The following GALNTL6 variants were observed in gnomAD, a reference collection of about 807,000 sequenced individuals.
The protein encoded by GALNTL6 is polypeptide N-acetylgalactosaminyltransferase-like 6.
Under a neutral mutation model 73.7 loss-of-function variants are expected in GALNTL6, and 46 were observed. The observed-to-expected ratio is 0.62, with a 90% confidence interval of 0.49 to 0.80. GALNTL6 has a LOEUF of 0.80. Ranked by LOEUF, GALNTL6 falls within the 30% of genes least tolerant of loss-of-function variation. The probability of loss-of-function intolerance (pLI) is 0.00; values close to 1 mark genes in which losing one functional copy is unlikely to be tolerated. For missense variants in GALNTL6, 604 were observed against 755.0 expected (o/e 0.80, Z 2.34); for synonymous variants, 259 against 263.7 (o/e 0.98, Z 0.17).
chr4:172,891,190 T>G (rs1371901818), intron 8 of GALNTL6, among the ~76,000 whole-genome samples: 2 of 151,874 alleles, frequency 1.3e-5, no homozygotes, highest in African/African-American at 2.4e-5. Context: ...ATATGCGAGG[T>G]TTTGATTCTG....
intron 2 of GALNTL6, among the ~76,000 whole-genome samples, chr4:171,867,231 T>C (rs1281796441): frequency 6.6e-6 from 1 of 152,166 alleles, no homozygotes; most frequent in Non-Finnish European, 1.5e-5. Context: ...ATGTCAAATG[T>C]TGGTTCTCCA....
At chr4:172,416,077 G>A (rs2111352242) in intron 5 of GALNTL6, among the ~76,000 whole-genome samples, 1 of 152,226 alleles carries the variant, frequency 6.6e-6, no homozygotes, top group East Asian at 1.9e-4. Flanking sequence ...AGATCAATTT[G>A]TATGAAGGTC....
At chr4:171,952,031 G>A (rs887836845) in intron 2 of GALNTL6, among the ~76,000 whole-genome samples, 4 of 151,892 alleles carry the variant, frequency 2.6e-5, no homozygotes, top group East Asian at 3.8e-4. Context: ...AATACAAAGT[G>A]TAATAGAGTA....
intron 5 of GALNTL6, among the ~76,000 whole-genome samples, chr4:172,698,998 GA>G (rs1311092208): frequency 2.0e-5 from 3 of 152,026 alleles, no homozygotes; most frequent in African/African-American, 7.2e-5. Flanking sequence ...CATAGTTCGG[GA>G]ATCTGGGAAA....
At chr4:172,068,418 C>G (rs571926883) in intron 2 of GALNTL6, among the ~76,000 whole-genome samples, 1 of 110,304 alleles carries the variant, frequency 9.1e-6, no homozygotes, top group Admixed American at 9.4e-5. Flanking sequence ...CGCATGTTCT[C>G]TTTCTTAAGT....
chr4:172,399,930 A>T (rs908393325), intron 5 of GALNTL6, among the ~76,000 whole-genome samples: 11 of 152,096 alleles, frequency 7.2e-5, no homozygotes, highest in Non-Finnish European at 1.5e-4. Context: ...TAGGTACTTA[A>T]AAAGTTTGCT....
chr4:172,644,359 A>G (rs985230291), intron 5 of GALNTL6, among the ~76,000 whole-genome samples: 1 of 151,952 alleles, frequency 6.6e-6, no homozygotes, highest in Non-Finnish European at 1.5e-5. Flanking sequence ...CTAGAACAAG[A>G]TATAGAACAT....
At chr4:172,433,057 C>T (rs10002551) in intron 5 of GALNTL6, among the ~76,000 whole-genome samples, 124,644 of 152,094 alleles carry the variant, frequency 0.82, 51,620 homozygotes, top group Non-Finnish European at 0.88. Flanking sequence ...TTGTAGTTTG[C>T]GTATACAAAT....
chr4:172,276,248 G>C (rs934446664), intron 3 of GALNTL6, among the ~76,000 whole-genome samples: 1 of 152,120 alleles, frequency 6.6e-6, no homozygotes, highest in Non-Finnish European at 1.5e-5. Flanking sequence ...TTACATGAAT[G>C]TGGACATGTT....
At chr4:172,540,691 T>A (rs1454650791) in intron 5 of GALNTL6, among the ~76,000 whole-genome samples, 12 of 152,226 alleles carry the variant, frequency 7.9e-5, no homozygotes, top group Admixed American at 7.9e-4. Context: ...CATCTGGAAC[T>A]GGACACTTAC....
At chr4:172,789,815 T>TA (rs1274445297) in intron 5 of GALNTL6, among the ~76,000 whole-genome samples, 3 of 152,014 alleles carry the variant, frequency 2.0e-5, no homozygotes, top group African/African-American at 7.2e-5. Flanking sequence ...TTGGGGCAGG[T>TA]AAAAAGAGGA....
intron 2 of GALNTL6, among the ~76,000 whole-genome samples, chr4:171,864,206 G>A (rs943058224): frequency 1.3e-5 from 2 of 152,064 alleles, no homozygotes; most frequent in African/African-American, 4.8e-5. Flanking sequence ...TATCTTTAAA[G>A]GAAATAATTA....
At chr4:172,216,486 T>C (rs1351655126) in intron 2 of GALNTL6, among the ~76,000 whole-genome samples, 1 of 152,196 alleles carries the variant, frequency 6.6e-6, no homozygotes, top group Admixed American at 6.5e-5. Flanking sequence ...TTTCGAGATT[T>C]TCTCCTTGTC....
intron 5 of GALNTL6, chr4:172,668,837 G>C (rs894060468): frequency 3.9e-5 from 6 of 152,098 alleles, no homozygotes; most frequent in African/African-American, 1.4e-4. Flanking sequence ...GGGGAGTGCA[G>C]CAGCTGTGTT....
intron 7 of GALNTL6, among the ~76,000 whole-genome samples, chr4:172,823,351 A>G (rs1579528052): frequency 1.3e-5 from 2 of 152,210 alleles, no homozygotes; most frequent in South Asian, 2.1e-4. Flanking sequence ...CTTTTTTCCT[A>G]ATCATTTCAA....
intron 10 of GALNTL6, among the ~76,000 whole-genome samples, chr4:172,982,090 C>T (rs929689484): frequency 2.0e-5 from 3 of 152,140 alleles, no homozygotes; most frequent in Non-Finnish European, 4.4e-5. Context: ...CCACCGCACC[C>T]GGCCAAACAT....
chr4:172,559,830 G>A (rs987200388), intron 5 of GALNTL6, among the ~76,000 whole-genome samples: 2 of 152,126 alleles, frequency 1.3e-5, no homozygotes, highest in Non-Finnish European at 2.9e-5. Context: ...TCATGGCAAT[G>A]GCAATAATTT....
intron 4 of GALNTL6, among the ~76,000 whole-genome samples, chr4:172,328,646 A>G (rs1416378251): frequency 6.6e-6 from 1 of 152,046 alleles, no homozygotes; most frequent in Non-Finnish European, 1.5e-5. Flanking sequence ...CCAGTCTTCA[A>G]GTTCTGAGAT....
intron 5 of GALNTL6, among the ~76,000 whole-genome samples, chr4:172,398,058 T>C (rs192603408): frequency 1.2e-4 from 18 of 152,320 alleles, no homozygotes; most frequent in African/African-American, 4.1e-4. Context: ...TTTTCTGTTT[T>C]ATTTCTAAAG....
Sources: allele counts gnomAD v4.1 joint callset (sites outside exome capture counted in the v4.1 genomes callset), GRCh38; gene constraint gnomAD v4.1.1; transcripts MANE v1.5; gene names NCBI Gene and HGNC (gene_info 2026-07-23, HGNC 2026-07-21).